The following ITPR2 variants were observed in gnomAD, a reference collection of about 807,000 sequenced individuals.
ITPR2 encodes inositol 1,4,5-trisphosphate-gated calcium channel ITPR2.
A neutral mutation model predicts 317.1 loss-of-function variants in ITPR2; 207 were observed. That is an observed-to-expected ratio of 0.65 (90% CI 0.58 to 0.73). The LOEUF (loss-of-function observed/expected upper bound fraction) is 0.73, where lower values mean the gene tolerates loss of function less well. Ranked by LOEUF, ITPR2 falls within the 30% of genes least tolerant of loss-of-function variation. The probability of loss-of-function intolerance (pLI) is 0.00; values close to 1 mark genes in which losing one functional copy is unlikely to be tolerated. For missense variants in ITPR2, 2,613 were observed against 3,284.0 expected (o/e 0.80, Z 4.99); for synonymous variants, 1,156 against 1,149.1 (o/e 1.01, Z -0.12).
chr12:26,657,640 C>A (rs1214364670), intron 18 of ITPR2, 67 bp downstream of exon 18: 14 of 1,391,160 alleles, frequency 1.0e-5, no homozygotes, highest in Admixed American at 7.3e-5. Flanking sequence ...CTAGTGGCTA[C>A]AGAGAACCAG....
intron 49 of ITPR2, chr12:26,421,472 G>C (rs556456577): frequency 6.6e-6 from 1 of 152,258 alleles, no homozygotes; most frequent in South Asian, 2.1e-4. Context: ...TAAATGATTC[G>C]GGTGGGAAAG....
At chr12:26,459,272 TTCTC>T (rs1941959191) in intron 45 of ITPR2, among the ~76,000 whole-genome samples, 1 of 152,222 alleles carries the variant, frequency 6.6e-6, no homozygotes, top group Admixed American at 6.5e-5. Context: ...CCACCAGTGT[TTCTC>T]TCATTCTCCC....
chr12:26,350,363 A>T (rs1262298793), intron 55 of ITPR2, among the ~76,000 whole-genome samples: 1 of 152,146 alleles, frequency 6.6e-6, no homozygotes, highest in Non-Finnish European at 1.5e-5. Context: ...GTAAAGACAG[A>T]TGGCAGTAAA....
At chr12:26,660,054 C>T (rs1264714300) in intron 15 of ITPR2, among the ~76,000 whole-genome samples, 5 of 152,126 alleles carry the variant, frequency 3.3e-5, no homozygotes, top group Non-Finnish European at 5.9e-5. Context: ...ATGAAGAGAA[C>T]GAGGCAGCCA....
At chr12:26,583,224 A>C (rs1270594697) in intron 32 of ITPR2, among the ~76,000 whole-genome samples, 1 of 152,052 alleles carries the variant, frequency 6.6e-6, no homozygotes, top group African/African-American at 2.4e-5. Flanking sequence ...GTTATTTTTC[A>C]TTTCCCTTGC....
rs772643533 is a variant in ITPR2 at position 26,622,245 on chromosome 12, T to C, written c.3283A>G (p.Lys1095Glu). The change falls in exon 25 of 57, where the codon AAG becomes GAG. Residue 1095 changes from lysine (K) to glutamate (E), a missense_variant. Physicochemically the swap from Lys to Glu is moderately conservative, Grantham distance 56. Around this residue, in one of 9 missense-constraint regions of ITPR2, gnomAD observed 817 missense variants for 897.6 expected, o/e 0.91. Coordinates refer to ENST00000381340, the MANE Select transcript of ITPR2 (RefSeq NM_002223.4). ...SQRAEVLQAF[K>E]QVQLLVSNQD... ...TGAGGGCTCTTCAATCTTACCTGCT[T>C]AAATGCCTGTAAAACCTCTGCCCTC... 4 of 1,609,328 alleles carry C rather than the reference T, an allele frequency of 2.5e-6. No homozygotes were observed. The highest frequency in any genetic ancestry group is 1.7e-5 in the Admixed American group (1 of 58,748).
At chr12:26,711,367 C>A in intron 8 of ITPR2, 99 bp from the exon 9 acceptor site, 1 of 787,854 alleles carries the variant, frequency 1.3e-6, no homozygotes, top group Non-Finnish European at 2.2e-6. Flanking sequence ...TAATACTGAT[C>A]TGTCAAACCT....
intron 2 of ITPR2, among the ~76,000 whole-genome samples, chr12:26,770,562 G>C (rs992056095): frequency 1.3e-5 from 2 of 152,144 alleles, no homozygotes; most frequent in African/African-American, 4.8e-5. Context: ...AGCTTTGCTT[G>C]CTTCCTCCTA....
intron 45 of ITPR2, among the ~76,000 whole-genome samples, chr12:26,462,818 C>T (rs988312716): frequency 2.6e-5 from 4 of 151,500 alleles, no homozygotes; most frequent in African/African-American, 7.3e-5. Context: ...ATTACAGGTG[C>T]CTGCCACCAT....
chr12:26,578,704 A>C lies in ITPR2; in HGVS notation c.4630+9T>G. 6.3e-7 allele frequency: 1 copy of C among 1,587,824 alleles called. No individual in the cohort carries two copies. Among genetic ancestry groups the C allele is most frequent in the Non-Finnish European group, 8.6e-7 (1 of 1,161,622 alleles). ...TGTAAAAATAAGTAAAACTCAAACT[A>C]TGACTTACCCACTTCAGCCAAAGTT... On this transcript the variant is annotated intron_variant, in intron 34 of 56. Coordinates refer to ENST00000381340, the MANE Select transcript of ITPR2 (RefSeq NM_002223.4).
intron 10 of ITPR2, among the ~76,000 whole-genome samples, chr12:26,692,508 C>T (rs1948260227): frequency 6.6e-6 from 1 of 152,038 alleles, no homozygotes; most frequent in South Asian, 2.1e-4. Context: ...CCAAAAAATT[C>T]CCCTTCAAAG....
intron 55 of ITPR2, among the ~76,000 whole-genome samples, chr12:26,342,809 A>G (rs990524491): frequency 1.3e-5 from 2 of 151,872 alleles, no homozygotes; most frequent in African/African-American, 4.8e-5. Context: ...GGGTTTCTTC[A>G]TGTTGGTCAG....
chr12:26,655,507 G>C (rs575876229), intron 20 of ITPR2, among the ~76,000 whole-genome samples: 2 of 151,562 alleles, frequency 1.3e-5, no homozygotes, highest in African/African-American at 4.9e-5. Context: ...CCAGCTACTC[G>C]GGAGGCTGAG....
At chr12:26,560,557 A>C (rs571964455) in intron 35 of ITPR2, among the ~76,000 whole-genome samples, 1 of 152,208 alleles carries the variant, frequency 6.6e-6, no homozygotes, top group East Asian at 1.9e-4. Flanking sequence ...TCCACCTAAG[A>C]GCCCCAGGTC....
intron 37 of ITPR2, among the ~76,000 whole-genome samples, chr12:26,514,952 G>A (rs1306739550): frequency 6.6e-6 from 1 of 152,152 alleles, no homozygotes; most frequent in Non-Finnish European, 1.5e-5. Flanking sequence ...GATCAGAATA[G>A]TATCTATGTA....
rs190087878 is a variant in ITPR2 at position 26,621,594 on chromosome 12, C to T, written c.3289-298G>A. ...AAAATATCAATAGATACAATCTAAACCTCATCATACAAGTTTTTATTTTCT... is the reference window on the plus strand; with the variant it reads ...AAAATATCAATAGATACAATCTAAATCTCATCATACAAGTTTTTATTTTCT... On this transcript the variant is annotated intron_variant, in intron 25 of 56. Transcript: ENST00000381340. Among the ~76,000 whole-genome samples the T allele has an allele frequency of 2.4e-3, 370 of 152,206 alleles. 3 individuals carry two copies. The highest frequency in any genetic ancestry group is 3.6e-3 in the Non-Finnish European group (248 of 68,000).
At chr12:26,570,436 CCTT>C (rs1327297947) in intron 34 of ITPR2, among the ~76,000 whole-genome samples, 1 of 151,998 alleles carries the variant, frequency 6.6e-6, no homozygotes, top group Admixed American at 6.6e-5. Context: ...ATGTCAAGCT[CCTT>C]CTAAAATCAA....
intron 37 of ITPR2, among the ~76,000 whole-genome samples, chr12:26,545,939 G>A (rs1296602930): frequency 1.3e-5 from 2 of 152,060 alleles, no homozygotes; most frequent in African/African-American, 4.8e-5. Flanking sequence ...TCCTGAGAGG[G>A]GAATGAGATG....
chr12:26,716,889 A>T (rs1298341396), intron 5 of ITPR2, among the ~76,000 whole-genome samples: 3 of 152,266 alleles, frequency 2.0e-5, no homozygotes, highest in Admixed American at 6.5e-5. Flanking sequence ...TAAAAACTAA[A>T]ATTGATTCTT....
Sources: gnomAD v4.1 joint callset for allele counts (sites outside exome capture counted in the v4.1 genomes callset) on GRCh38, gnomAD v4.1.1 for gene constraint, gnomAD v4.1.1 regional missense constraint, MANE v1.5 for transcripts, NCBI Gene and HGNC (gene_info 2026-07-23, HGNC 2026-07-21) for gene names.